The following ATPSCKMT variants were observed in gnomAD, a reference collection of about 807,000 sequenced individuals.
ATPSCKMT encodes ATP synthase c subunit lysine N-methyltransferase, also known as ATP synthase subunit C lysine N-methyltransferase.
A neutral mutation model predicts 24.3 loss-of-function variants in ATPSCKMT; 24 were observed. The observed-to-expected ratio is 0.99, with a 90% CI of 0.71 to 1.39. The LOEUF is 1.39. ATPSCKMT is among the 40% of genes most tolerant of loss of function. The pLI is 0.00. For synonymous variants in ATPSCKMT, 95 were observed against 110.5 expected, an observed-to-expected ratio of 0.86 and a Z score of 0.88; for missense variants, 311 against 298.4, an observed-to-expected ratio of 1.04 and a Z score of -0.31.
At chr5:10,235,676 T>A (rs899283934) in intron 3 of ATPSCKMT, among the ~76,000 whole-genome samples, 2 of 152,240 alleles carry the variant, frequency 1.3e-5, no homozygotes, top group African/African-American at 4.8e-5. Context: ...CAGAACCATC[T>A]GTTTTTTGTT....
In ATPSCKMT at chr5:10,249,867, C is replaced by T. The variant is rs1445865454; in HGVS notation, c.7G>A (p.Gly3Arg). ...GCCGCTCCAGCCTCACCTCCTCCTC[C>T]CTCCATCGCGAGATTTCCAACAGCG... is the stretch of plus-strand genomic sequence containing the variant. MEGGGGIPLETLK... is the reference protein window; with the variant it reads MERGGGIPLETLK... The change falls in exon 1 of 5, where the codon GGA becomes AGA. Residue 3 changes from glycine to arginine, a missense_variant. Transcript: ENST00000511437. The T allele has an allele frequency of 1.9e-6, 3 of 1,556,902 alleles. No individual in the cohort carries two copies. In the South Asian group the frequency reaches 3.6e-5, roughly 18 times the overall value.
Position 10,237,127 on chromosome 5 carries a change from A to G in ATPSCKMT, c.307-512T>C, listed in dbSNP as rs1036111958. ...AAAACTGAAAACAGGTAAAAGTAAA[A>G]TGAAATGAATCCCAATAACGTCAAC... On this transcript the variant is annotated intron_variant, in intron 2 of 4. Transcript: ENST00000511437. The G allele has an allele frequency of 1.6e-5, 14 of 860,212 alleles. No homozygotes were observed. In the East Asian group the frequency reaches 7.5e-4, roughly 46 times the overall value. 53.3% of individuals were successfully genotyped at this position (860,212 alleles called of 1,614,324 possible). A position where few individuals can be genotyped will look rare whatever the true frequency, so the allele number is the denominator to read the frequency against.
At position 10,236,545 on chromosome 5, in the gene ATPSCKMT, G is replaced by T. The variant is rs770095912; in HGVS notation, c.377C>A (p.Ser126Tyr). 5 of 1,614,146 alleles carry T rather than the reference G, an allele frequency of 3.1e-6. No individual in the cohort carries two copies. Among genetic ancestry groups the T allele is most frequent in the Non-Finnish European group, 4.2e-6 (5 of 1,180,030 alleles). Residue 126 changes from serine (S) to tyrosine (Y), a missense_variant, in exon 3 of 5, where the codon TCC becomes TAC. By Grantham distance (144) the Ser-to-Tyr change is moderately radical. Transcript: ENST00000511437. ...YELNPWLVWY[S>Y]RYRAWREGVH... ...ACCTTCTCGCCAAGCGCGGTATCTG[G>T]AATACCAAACTAGCCATGGGTTTAA...
At chr5:10,246,240 G>A (rs976296079) in intron 1 of ATPSCKMT, among the ~76,000 whole-genome samples, 3 of 152,002 alleles carry the variant, frequency 2.0e-5, no homozygotes, top group Non-Finnish European at 2.9e-5. Flanking sequence ...GACCAGCCTG[G>A]CCAATATTGT....
At chr5:10,242,488 T>C (rs2126458915) in intron 1 of ATPSCKMT, among the ~76,000 whole-genome samples, 1 of 152,356 alleles carries the variant, frequency 6.6e-6, no homozygotes, top group Non-Finnish European at 1.5e-5. Flanking sequence ...ACTCTCTTGC[T>C]ATTTCCACCA....
chr5:10,249,733 GC>G, intron 1 of ATPSCKMT, 124 bp downstream of exon 1: 1 of 1,413,316 alleles, frequency 7.1e-7, no homozygotes, highest in Non-Finnish European at 9.4e-7. Flanking sequence ...CAGGCTGGAG[GC>G]CAGAGCAGCC....
intron 1 of ATPSCKMT, among the ~76,000 whole-genome samples, chr5:10,243,093 G>T (rs898107069): frequency 6.6e-6 from 1 of 152,216 alleles, no homozygotes; most frequent in Non-Finnish European, 1.5e-5. Flanking sequence ...GTCACCAGCT[G>T]CACTGACCCC....
At chr5:10,239,027 G>A (rs186024367) in intron 2 of ATPSCKMT, 40 bp downstream of exon 2, 3 of 1,584,198 alleles carry the variant, frequency 1.9e-6, no homozygotes, top group East Asian at 4.5e-5. Flanking sequence ...GAAATTTTAA[G>A]TTCTGGTTTC....
intron 2 of ATPSCKMT, 142 bp from the exon 3 acceptor site, chr5:10,236,757 T>C (rs529249464): frequency 1.4e-6 from 2 of 1,458,380 alleles, no homozygotes; most frequent in East Asian, 2.5e-5. Flanking sequence ...TTAAAATGTG[T>C]CTCTAAAGCG....
At chr5:10,249,613 C>T (rs1745197253) in intron 1 of ATPSCKMT, 5 of 515,378 alleles carry the variant, frequency 9.7e-6, no homozygotes, top group South Asian at 8.4e-5. Flanking sequence ...GGCTGAGTCA[C>T]TTGCACTAAG....
At chr5:10,237,282 C>G (rs1463947033) in intron 2 of ATPSCKMT, among the ~76,000 whole-genome samples, 1 of 152,300 alleles carries the variant, frequency 6.6e-6, no homozygotes, top group South Asian at 2.1e-4. Context: ...TAAGATAGTT[C>G]CCAAGTACTA....
intron 1 of ATPSCKMT, among the ~76,000 whole-genome samples, chr5:10,245,158 C>T (rs1226580310): frequency 4.6e-5 from 7 of 152,138 alleles, no homozygotes; most frequent in Non-Finnish European, 8.8e-5. Context: ...TGGTGGCTCA[C>T]GCCTGTAATT....
At chr5:10,237,980 C>T (rs1254386769) in intron 2 of ATPSCKMT, among the ~76,000 whole-genome samples, 5 of 152,136 alleles carry the variant, frequency 3.3e-5, no homozygotes, top group East Asian at 1.9e-4. Flanking sequence ...CTCCTGACCT[C>T]GTGATCTGCC....
intron 1 of ATPSCKMT, among the ~76,000 whole-genome samples, chr5:10,241,004 A>AG (rs1357597298): frequency 6.6e-6 from 1 of 151,826 alleles, no homozygotes; most frequent in African/African-American, 2.4e-5. Flanking sequence ...GTCAAAAAAA[A>AG]AAAAAAAGAA....
chr5:10,236,746 T>C, intron 2 of ATPSCKMT, 131 bp from the exon 3 acceptor site: 1 of 1,462,454 alleles, frequency 6.8e-7, no homozygotes, highest in Non-Finnish European at 9.0e-7. Context: ...AAGACATCAT[T>C]TTAAAATGTG....
chr5:10,247,974 GGCAGTGACAGAT>G (rs997170617), intron 1 of ATPSCKMT, among the ~76,000 whole-genome samples: 4 of 152,172 alleles, frequency 2.6e-5, no homozygotes, highest in African/African-American at 7.2e-5. Context: ...TGAAGCTAGA[GGCAGTGACAGAT>G]GTACAATAAG....
chr5:10,249,685 G>C, intron 1 of ATPSCKMT, 173 bp downstream of exon 1: 9 of 1,059,106 alleles, frequency 8.5e-6, no homozygotes, highest in East Asian at 2.7e-5. Context: ...ACCGGCGCGG[G>C]CACCGCGCGG....
intron 1 of ATPSCKMT, chr5:10,249,436 C>T (rs902416552): frequency 1.5e-4 from 31 of 201,920 alleles, no homozygotes; most frequent in African/African-American, 6.9e-4. Flanking sequence ...TCACAGCAGC[C>T]CTGTGAGTAG....
At chr5:10,230,534 A>C (rs893706961) in intron 4 of ATPSCKMT, among the ~76,000 whole-genome samples, 1 of 152,234 alleles carries the variant, frequency 6.6e-6, no homozygotes, top group Non-Finnish European at 1.5e-5. Context: ...ATTACACATA[A>C]ATATGCAATG....
Sources: allele counts gnomAD v4.1 joint callset (sites outside exome capture counted in the v4.1 genomes callset), GRCh38; gene constraint gnomAD v4.1.1; transcripts MANE v1.5; gene names NCBI Gene and HGNC (gene_info 2026-07-23, HGNC 2026-07-21).